ARL8B: variants seen among roughly 807,000 people sequenced by gnomAD.
ARL8B encodes the protein ARF like GTPase 8B.
ARL8B carries 9 observed loss-of-function variants against 30.6 expected under a neutral mutation model. The ratio of observed to expected loss-of-function variants is 0.29; its 90% CI spans 0.18 to 0.51. The LOEUF is 0.51. Among genes scored for constraint, ARL8B ranks in the 20% least tolerant of loss-of-function variants. The probability of loss-of-function intolerance (pLI) is 0.97; values close to 1 mark genes in which losing one functional copy is unlikely to be tolerated. For synonymous variants in ARL8B, 74 were observed against 76.0 expected, an observed-to-expected ratio of 0.97 and a Z score of 0.14; for missense variants, 130 against 227.2, an observed-to-expected ratio of 0.57 and a Z score of 2.75.
intron 6 of ARL8B, among the ~76,000 whole-genome samples, chr3:5,174,864 G>C (rs1342633752): frequency 6.6e-6 from 1 of 151,066 alleles, no homozygotes; most frequent in Non-Finnish European, 1.5e-5. Flanking sequence ...GTGCAGTGGC[G>C]TGATCTCGAC....
chr3:5,161,811 CACT>C (rs2106566880), intron 1 of ARL8B, among the ~76,000 whole-genome samples: 1 of 152,298 alleles, frequency 6.6e-6, no homozygotes, highest in East Asian at 1.9e-4. Flanking sequence ...GCTTAAATGT[CACT>C]ACTTCAAGAA....
chr3:5,157,489 C>CA (rs146850839), intron 1 of ARL8B, among the ~76,000 whole-genome samples: 4,202 of 151,734 alleles, frequency 0.028, 69 homozygotes, highest in Middle Eastern at 0.1. Context: ...ACAAACAAAA[C>CA]AAAAAAACCC....
At chr3:5,154,147 A>G (rs1299203088) in intron 1 of ARL8B, among the ~76,000 whole-genome samples, 5 of 151,298 alleles carry the variant, frequency 3.3e-5, no homozygotes, top group African/African-American at 1.2e-4. Flanking sequence ...GTACTTCTTG[A>G]CTGTAATTTT....
In ARL8B at chr3:5,177,851, G is replaced by C. The variant is rs1181027221; in HGVS notation, c.512-813G>C. ...TGTGGCTTTGCTCGTATTGTGCACT[G>C]TTGTCCCCATTTTAAGGTGCAGAGG... is the stretch of plus-strand genomic sequence containing the variant. On this transcript the variant is annotated intron_variant, in intron 6 of 6. Transcript: ENST00000256496. Among the ~76,000 whole-genome samples, 8 of 152,320 alleles carry C rather than the reference G, an allele frequency of 5.3e-5. No homozygotes were observed. The South Asian group carries it at 8.3e-4, about 16-fold the overall frequency.
At chr3:5,176,620 C>T (rs1296909770) in intron 6 of ARL8B, among the ~76,000 whole-genome samples, 1 of 152,170 alleles carries the variant, frequency 6.6e-6, no homozygotes, top group Non-Finnish European at 1.5e-5. Context: ...CAGTCTCAGC[C>T]TTAGTAACAG....
At chr3:5,168,338 T>C (rs2054641462) in intron 1 of ARL8B, among the ~76,000 whole-genome samples, 1 of 152,254 alleles carries the variant, frequency 6.6e-6, no homozygotes, top group African/African-American at 2.4e-5. Context: ...CCCAAAGTGC[T>C]GGAATTACAA....
At chr3:5,159,503 G>A (rs1428180149) in intron 1 of ARL8B, among the ~76,000 whole-genome samples, 1 of 150,172 alleles carries the variant, frequency 6.7e-6, no homozygotes, top group Non-Finnish European at 1.5e-5. Flanking sequence ...TTGGGAGGCT[G>A]AGGCAGGAGA....
chr3:5,139,992 T>TG (rs1231975750), intron 1 of ARL8B, among the ~76,000 whole-genome samples: 3 of 150,668 alleles, frequency 2.0e-5, no homozygotes, highest in African/African-American at 7.3e-5. Flanking sequence ...GTTTTGTTTT[T>TG]TTTTTTTTTT....
At chr3:5,169,078 TA>T (rs2054647749) in intron 1 of ARL8B, among the ~76,000 whole-genome samples, 1 of 152,204 alleles carries the variant, frequency 6.6e-6, no homozygotes, top group Non-Finnish European at 1.5e-5. Flanking sequence ...ACTAGTTTTT[TA>T]AAAATTTTGG....
At chr3:5,177,517 C>T (rs372602066) in intron 6 of ARL8B, among the ~76,000 whole-genome samples, 2 of 148,634 alleles carry the variant, frequency 1.3e-5, no homozygotes, top group African/African-American at 2.5e-5. Context: ...AGTGCAGTGG[C>T]GCAATTTTGG....
At chr3:5,164,799 C>T (rs1386352957) in intron 1 of ARL8B, among the ~76,000 whole-genome samples, 1 of 152,204 alleles carries the variant, frequency 6.6e-6, no homozygotes, top group Non-Finnish European at 1.5e-5. Context: ...CTTTTGGATG[C>T]AGTCTAGGAT....
chr3:5,138,690 A>T (rs1423677868), intron 1 of ARL8B, among the ~76,000 whole-genome samples: 3 of 152,008 alleles, frequency 2.0e-5, no homozygotes, highest in Non-Finnish European at 2.9e-5. Flanking sequence ...TGATGATAGT[A>T]AGTGGAATTT....
intron 6 of ARL8B, among the ~76,000 whole-genome samples, chr3:5,174,887 C>G (rs561023048): frequency 6.6e-6 from 1 of 151,800 alleles, no homozygotes; most frequent in Non-Finnish European, 1.5e-5. Context: ...ACTGCAACCT[C>G]TGCCTCCTGG....
At chr3:5,149,620 G>C (rs1368923679) in intron 1 of ARL8B, among the ~76,000 whole-genome samples, 1 of 152,038 alleles carries the variant, frequency 6.6e-6, no homozygotes, top group African/African-American at 2.4e-5. Context: ...TTATATCCTC[G>C]TCCCCTTCCC....
chr3:5,159,888 G>A (rs1335607380), intron 1 of ARL8B, among the ~76,000 whole-genome samples: 1 of 151,884 alleles, frequency 6.6e-6, no homozygotes, highest in Non-Finnish European at 1.5e-5. Context: ...TCTAAATAAA[G>A]TTATTTTCTT....
intron 1 of ARL8B, among the ~76,000 whole-genome samples, chr3:5,154,491 T>C (rs185325143): frequency 6.6e-6 from 1 of 152,098 alleles, no homozygotes; most frequent in African/African-American, 2.4e-5. Flanking sequence ...TCCACTACCA[T>C]GCCCAGCTAA....
chr3:5,170,783 G>A (rs954782142), intron 2 of ARL8B, 200 bp downstream of exon 2: 1 of 458,862 alleles, frequency 2.2e-6, no homozygotes, highest in Non-Finnish European at 3.9e-6. Flanking sequence ...CCAGGCTGGA[G>A]TGCAGTGTCG....
At chr3:5,172,867 T>C in intron 4 of ARL8B, 127 bp downstream of exon 4, 1 of 645,438 alleles carries the variant, frequency 1.5e-6, no homozygotes, top group Non-Finnish European at 2.6e-6. Context: ...CTGGAAAACT[T>C]GCTTACCATG....
chr3:5,122,411 C>A lies in ARL8B; in HGVS notation c.-55C>A. The A allele has an allele frequency of 2.5e-6, 4 of 1,607,680 alleles. No homozygotes were observed. The South Asian group carries it at 3.3e-5, about 13-fold the overall frequency. ...GGCGGAGGCCCGCTCGTGTGGAAGT[C>A]GTCGACGCCGCCGCTCGTCCGTCCT... On this transcript the variant is annotated 5_prime_UTR_variant, in exon 1 of 7. Transcript: ENST00000256496.
Sources: gnomAD v4.1 joint callset for allele counts (sites outside exome capture counted in the v4.1 genomes callset) on GRCh38, gnomAD v4.1.1 for gene constraint, MANE v1.5 for transcripts, NCBI Gene and HGNC (gene_info 2026-07-23, HGNC 2026-07-21) for gene names.